Variants in MDGA2 observed in about 807,000 individuals in gnomAD.
MDGA2 encodes MAM domain-containing glycosylphosphatidylinositol anchor protein 2.
A neutral mutation model predicts 117.8 loss-of-function variants in MDGA2; 40 were observed. The ratio of observed to expected loss-of-function variants is 0.34; its 90% CI spans 0.26 to 0.44. The LOEUF is 0.44. Ranked by LOEUF, MDGA2 falls within the 20% of genes least tolerant of loss-of-function variation. The pLI, the probability that MDGA2 is intolerant of heterozygous loss-of-function variation, is 1.00. For synonymous variants in MDGA2, 452 were observed against 439.0 expected (o/e 1.03, Z -0.37); for missense variants, 1,123 against 1,250.6 (o/e 0.90, Z 1.54).
At chr14:47,320,490 C>T (rs1259383337) in intron 1 of MDGA2, among the ~76,000 whole-genome samples, 1 of 152,122 alleles carries the variant, frequency 6.6e-6, no homozygotes, top group Non-Finnish European at 1.5e-5. Flanking sequence ...GGAATGATAG[C>T]ATCCGATACA....
chr14:46,944,877 A>G (rs1228778035), intron 9 of MDGA2, among the ~76,000 whole-genome samples: 3 of 152,022 alleles, frequency 2.0e-5, no homozygotes, highest in African/African-American at 4.8e-5. Flanking sequence ...ATATTTTCCC[A>G]TAATACTTTG....
intron 2 of MDGA2, among the ~76,000 whole-genome samples, chr14:47,283,886 A>C (rs1566719242): frequency 6.6e-6 from 1 of 152,214 alleles, no homozygotes; most frequent in Non-Finnish European, 1.5e-5. Context: ...AATCTGAACA[A>C]GTCAAGTAAG....
intron 8 of MDGA2, among the ~76,000 whole-genome samples, chr14:46,995,121 T>C (rs1887239972): frequency 6.6e-6 from 1 of 152,174 alleles, no homozygotes; most frequent in Admixed American, 6.6e-5. Flanking sequence ...AAATATTTTA[T>C]GAAAAGGATT....
intron 1 of MDGA2, among the ~76,000 whole-genome samples, chr14:47,558,541 T>C (rs1014193721): frequency 5.9e-5 from 9 of 152,180 alleles, no homozygotes; most frequent in African/African-American, 2.2e-4. Context: ...AAATAAGTGA[T>C]GTAAATTGAC....
At chr14:47,346,103 C>T (rs950242221) in intron 1 of MDGA2, among the ~76,000 whole-genome samples, 25 of 152,112 alleles carry the variant, frequency 1.6e-4, no homozygotes, top group Admixed American at 2.6e-4. Flanking sequence ...ATGTTCCCAA[C>T]ACAAAGAAAT....
In MDGA2 at chr14:47,240,548, C is replaced by T. The variant is rs1165490208; in HGVS notation, c.421-22353G>A. On this transcript the variant is annotated intron_variant, in intron 2 of 16. Coordinates refer to ENST00000399232, the MANE Select transcript of MDGA2 (RefSeq NM_001113498.3). ...CCAAATGTGCCTTTCTTTGTGGATACTCCATTTAGGAAAAGGTACAAATTG... is the reference window on the plus strand; with the variant it reads ...CCAAATGTGCCTTTCTTTGTGGATATTCCATTTAGGAAAAGGTACAAATTG... Among the ~76,000 whole-genome samples, 5 of 151,828 alleles carry T rather than the reference C, an allele frequency of 3.3e-5. No homozygotes were observed. The East Asian group carries it at 9.6e-4, about 29-fold the overall frequency.
intron 1 of MDGA2, among the ~76,000 whole-genome samples, chr14:47,484,404 G>C (rs1894015888): frequency 6.6e-6 from 1 of 152,148 alleles, no homozygotes; most frequent in Admixed American, 6.5e-5. Context: ...TGGTATAATT[G>C]AAATGAATAA....
intron 15 of MDGA2, 82 bp downstream of exon 15, chr14:46,854,942 C>T: frequency 8.2e-7 from 1 of 1,214,336 alleles, no homozygotes; most frequent in South Asian, 1.8e-5. Context: ...TCTGAATATT[C>T]ATATTTTAAT....
intron 1 of MDGA2, among the ~76,000 whole-genome samples, chr14:47,540,108 G>GTTT (rs2138752464): frequency 6.6e-6 from 1 of 152,252 alleles, no homozygotes; most frequent in South Asian, 2.1e-4. Context: ...CGCCCCCCGG[G>GTTT]GTTCACGCCA....
At chr14:47,037,505 A>G (rs1420218366) in intron 7 of MDGA2, among the ~76,000 whole-genome samples, 1 of 152,242 alleles carries the variant, frequency 6.6e-6, no homozygotes, top group Non-Finnish European at 1.5e-5. Context: ...TGCTCATGAC[A>G]AATTGGACAA....
At chr14:47,139,490 C>T (rs1203211840) in intron 4 of MDGA2, among the ~76,000 whole-genome samples, 11 of 151,678 alleles carry the variant, frequency 7.3e-5, no homozygotes, top group Admixed American at 2.0e-4. Flanking sequence ...GCCTAGTGAC[C>T]TCTGTGTCTC....
intron 1 of MDGA2, among the ~76,000 whole-genome samples, chr14:47,373,584 T>C (rs1020541425): frequency 6.6e-5 from 10 of 152,092 alleles, no homozygotes; most frequent in East Asian, 1.9e-4. Context: ...GTTACGTTCA[T>C]ATAGACCTCC....
At chr14:46,868,814 A>G (rs748879452) in intron 14 of MDGA2, among the ~76,000 whole-genome samples, 1 of 151,982 alleles carries the variant, frequency 6.6e-6, no homozygotes, top group Non-Finnish European at 1.5e-5. Flanking sequence ...CTCTTTGAAC[A>G]TGTACCTCTG....
chr14:46,886,844 A>AT lies in MDGA2; in HGVS notation c.2239-4624dup, dbSNP rs562023375. Reference sequence around the variant, plus strand: ...TTCTTTTCCTGTGTTCTAAATGTTGATGTTCTCCAGAATTTTGTATATGGC... The same window carrying AT: ...TTCTTTTCCTGTGTTCTAAATGTTGATTGTTCTCCAGAATTTTGTATATGGC... On this transcript the variant is annotated intron_variant, in intron 10 of 16. Transcript: ENST00000399232. 2.6e-3 allele frequency among the ~76,000 whole-genome samples: 393 copies of AT among 151,968 alleles called. 4 individuals carry two copies. The highest frequency in any genetic ancestry group is 7.9e-3 in the South Asian group (38 of 4,822).
chr14:47,664,259 C>T (rs775078110), intron 1 of MDGA2, among the ~76,000 whole-genome samples: 46 of 152,162 alleles, frequency 3.0e-4, no homozygotes, highest in Non-Finnish European at 6.5e-4. Flanking sequence ...TTCCCCTAGA[C>T]TGACACAACC....
intron 2 of MDGA2, among the ~76,000 whole-genome samples, chr14:47,289,562 A>G (rs964998755): frequency 6.6e-6 from 1 of 152,052 alleles, no homozygotes; most frequent in Admixed American, 6.6e-5. Flanking sequence ...TAATAAAAAT[A>G]CAAAATCCAA....
intron 5 of MDGA2, among the ~76,000 whole-genome samples, chr14:47,121,492 A>G (rs1881649764): frequency 6.6e-6 from 1 of 152,058 alleles, no homozygotes; most frequent in Non-Finnish European, 1.5e-5. Flanking sequence ...TTCTGAATAT[A>G]TATATTAGTA....
chr14:47,622,571 G>A (rs1897069215), intron 1 of MDGA2, among the ~76,000 whole-genome samples: 3 of 152,144 alleles, frequency 2.0e-5, no homozygotes, highest in Admixed American at 1.3e-4. Flanking sequence ...TGATTTCCCA[G>A]TGAAAACAAA....
chr14:47,191,419 CATAT>C (rs59188931), intron 3 of MDGA2, among the ~76,000 whole-genome samples: 228 of 143,514 alleles, frequency 1.6e-3, no homozygotes, highest in African/African-American at 5.0e-3. Context: ...TATATATTTA[CATAT>C]ATATATATAT....
Sources: gnomAD v4.1 joint callset for allele counts (sites outside exome capture counted in the v4.1 genomes callset) on GRCh38, gnomAD v4.1.1 for gene constraint, MANE v1.5 for transcripts, NCBI Gene and HGNC (gene_info 2026-07-23, HGNC 2026-07-21) for gene names.